The following FKTN variants were observed in gnomAD, a reference collection of about 807,000 sequenced individuals.
FKTN encodes the protein fukutin.
A neutral mutation model predicts 58.6 loss-of-function variants in FKTN; 47 were observed. The ratio of observed to expected loss-of-function variants is 0.80; its 90% CI spans 0.63 to 1.02. The LOEUF (loss-of-function observed/expected upper bound fraction) is 1.02, where lower values mean the gene tolerates loss of function less well. Among genes scored for constraint, FKTN ranks in the 50% least tolerant of loss-of-function variants. FKTN has a pLI of 0.00. For missense variants in FKTN, 516 were observed against 537.3 expected (o/e 0.96, Z 0.39); for synonymous variants, 178 against 191.9 (o/e 0.93, Z 0.60).
intron 1 of FKTN, among the ~76,000 whole-genome samples, chr9:105,566,788 C>T (rs1345381491): frequency 1.3e-5 from 2 of 152,222 alleles, no homozygotes; most frequent in African/African-American, 4.8e-5. Context: ...CTCCCTAACT[C>T]ATTTTATGAG....
At chr9:105,622,856 T>C (rs1374449534) in intron 10 of FKTN, among the ~76,000 whole-genome samples, 1 of 152,102 alleles carries the variant, frequency 6.6e-6, no homozygotes, top group Non-Finnish European at 1.5e-5. Flanking sequence ...TGGCATAAGG[T>C]ATGGTACTTT....
At position 105,636,744 on chromosome 9, in the gene FKTN, CT is replaced by C. The variant is rs1272732724; in HGVS notation, c.*1481del. 1.5e-6 allele frequency: 2 copies of C among 1,295,534 alleles called. No homozygotes were observed. Among genetic ancestry groups the C allele is most frequent in the Non-Finnish European group, 2.0e-6 (2 of 982,868 alleles). 80.3% of individuals were successfully genotyped at this position (1,295,534 alleles called of 1,614,324 possible). On this transcript the variant is annotated 3_prime_UTR_variant, in exon 11 of 11. Transcript: ENST00000357998. ...TTTCTGGAGCTTGGCAGATTTTCCT[CT>C]GACACCAGAGAACAATAGTAGTCTC... is the stretch of plus-strand genomic sequence containing the variant.
chr9:105,588,739 T>A (rs1269286404), intron 3 of FKTN, among the ~76,000 whole-genome samples: 2 of 152,248 alleles, frequency 1.3e-5, no homozygotes, highest in Non-Finnish European at 2.9e-5. Flanking sequence ...AGTATACCTA[T>A]GGAATAAGAA....
At chr9:105,600,992 A>G (rs1172313839) in intron 4 of FKTN, 153 bp from the exon 5 acceptor site, 1 of 601,418 alleles carries the variant, frequency 1.7e-6, no homozygotes, top group East Asian at 2.8e-5. Context: ...CATATGTGCT[A>G]TTTAATCATT....
chr9:105,630,583 G>C (rs866361977), intron 10 of FKTN, among the ~76,000 whole-genome samples: 26 of 152,186 alleles, frequency 1.7e-4, no homozygotes, highest in Middle Eastern at 3.4e-3. Flanking sequence ...TATTTTATGA[G>C]AGTGATAGCA....
intron 3 of FKTN, among the ~76,000 whole-genome samples, chr9:105,594,592 A>C (rs887544142): frequency 3.3e-5 from 5 of 152,154 alleles, no homozygotes; most frequent in Non-Finnish European, 2.9e-5. Context: ...AAAAATACAA[A>C]AATTAGCCAG....
intron 1 of FKTN, among the ~76,000 whole-genome samples, chr9:105,564,738 A>G (rs1168527651): frequency 6.6e-6 from 1 of 152,270 alleles, no homozygotes; most frequent in Non-Finnish European, 1.5e-5. Flanking sequence ...GATATTATCC[A>G]GGAGAACTTC....
intron 9 of FKTN, among the ~76,000 whole-genome samples, chr9:105,618,672 TC>T (rs1176998114): frequency 6.6e-6 from 1 of 152,204 alleles, no homozygotes; most frequent in African/African-American, 2.4e-5. Context: ...GAAATCTCCC[TC>T]TAGACAATTT....
Position 105,635,922 on chromosome 9 carries a change from G to A in FKTN, c.*658G>A. On this transcript the variant is annotated 3_prime_UTR_variant, in exon 11 of 11. Coordinates refer to ENST00000357998, the MANE Select transcript of FKTN (RefSeq NM_001079802.2). The stretch of plus-strand genomic sequence containing the variant: ...ATAAGTAAATTTCTGTACATGTACT[G>A]TTTTCATATGTGAAGTGAGAAGAAA... 1 of 987,206 alleles carries A rather than the reference G, an allele frequency of 1.0e-6. No homozygotes were observed. Among genetic ancestry groups the A allele is most frequent in the Non-Finnish European group, 1.2e-6 (1 of 831,074 alleles). The allele number at this position is 987,206 out of a possible 1,614,324, so 61.2% of individuals were successfully genotyped here.
chr9:105,637,053 A>G lies in FKTN; in HGVS notation c.*1789A>G, dbSNP rs1477958193. ...TCCATTTTCTCTTTGCTAGAAAATC[A>G]GCCCATAGAGTGCATTCCCAAATTC... On this transcript the variant is annotated 3_prime_UTR_variant, in exon 11 of 11. Transcript: ENST00000357998. 4 of 993,064 alleles carry G rather than the reference A, an allele frequency of 4.0e-6. No individual in the cohort carries two copies. In the East Asian group the frequency reaches 4.3e-4, roughly 106 times the overall value. The allele number at this position is 993,064 out of a possible 1,614,324, so 61.5% of individuals were successfully genotyped here. A position where few individuals can be genotyped will look rare whatever the true frequency, so the allele number is the denominator to read the frequency against.
chr9:105,620,088 T>C, intron 10 of FKTN, 27 bp downstream of exon 10: 1 of 1,573,876 alleles, frequency 6.4e-7, no homozygotes, highest in Non-Finnish European at 8.7e-7. Context: ...TACTTATTTA[T>C]AAAGGTACTA....
In FKTN at chr9:105,582,033, G is replaced by A. The variant is rs1022339120; in HGVS notation, c.105+6896G>A. 3.9e-5 allele frequency among the ~76,000 whole-genome samples: 6 copies of A among 152,128 alleles called. No homozygotes were observed. In the East Asian group the frequency reaches 7.8e-4, roughly 20 times the overall value. Reference sequence around the variant, plus strand: ...CCTCGCCCTGCTTCGGCTCGCGCACGGTGCGCGCACCCACTAGCCTGCGCC... The same window carrying A: ...CCTCGCCCTGCTTCGGCTCGCGCACAGTGCGCGCACCCACTAGCCTGCGCC... On this transcript the variant is annotated intron_variant, in intron 3 of 10. Transcript: ENST00000357998.
In FKTN at chr9:105,639,456, AGG is replaced by A; in HGVS notation, c.*4194_*4195del. ...ACTGGGGAAATGATACATACTTCTA[AGG>A]GTTTTTAGGGGGATTAAATGAAGTA... is the stretch of plus-strand genomic sequence containing the variant. On this transcript the variant is annotated 3_prime_UTR_variant, in exon 11 of 11. Transcript: ENST00000357998. 3.3e-6 allele frequency: 2 copies of A among 615,040 alleles called. No homozygotes were observed. 38.1% of individuals were successfully genotyped at this position (615,040 alleles called of 1,614,324 possible).
intron 7 of FKTN, among the ~76,000 whole-genome samples, 153 bp from the exon 8 acceptor site, chr9:105,615,125 C>T (rs547700076): frequency 6.6e-6 from 1 of 152,336 alleles, no homozygotes; most frequent in Admixed American, 6.5e-5. Context: ...CCCAAGTGAT[C>T]CACCTGCCTT....
At chr9:105,568,505 A>G (rs1241857053) in intron 1 of FKTN, among the ~76,000 whole-genome samples, 2 of 152,240 alleles carry the variant, frequency 1.3e-5, no homozygotes. Context: ...TCTCAAAAGA[A>G]GACATTTATG....
chr9:105,582,320 T>G (rs1843137383), intron 3 of FKTN, among the ~76,000 whole-genome samples: 2 of 152,156 alleles, frequency 1.3e-5, no homozygotes, highest in Admixed American at 1.3e-4. Context: ...TCTCCTGAGT[T>G]GTTAGGAGGA....
chr9:105,604,149 T>A, intron 5 of FKTN, 66 bp from the exon 6 acceptor site: 1 of 1,505,372 alleles, frequency 6.6e-7, no homozygotes, highest in Non-Finnish European at 9.2e-7. Context: ...TTGCTACTAG[T>A]ATTTGGCTTT....
At position 105,638,782 on chromosome 9, in the gene FKTN, A is replaced by G; in HGVS notation, c.*3518A>G. ...TTATTTATATTGATACTCTCTGATA[A>G]ATGCAGGTAGTTAAGAATAGATTGT... is the stretch of plus-strand genomic sequence containing the variant. On this transcript the variant is annotated 3_prime_UTR_variant, in exon 11 of 11. Coordinates refer to ENST00000357998, the MANE Select transcript of FKTN (RefSeq NM_001079802.2). 1 of 980,698 alleles carries G rather than the reference A, an allele frequency of 1.0e-6. No homozygotes were observed. The highest frequency in any genetic ancestry group is 1.2e-6 in the Non-Finnish European group (1 of 825,708). The allele number at this position is 980,698 out of a possible 1,614,324, so 60.7% of individuals were successfully genotyped here.
chr9:105,569,783 C>G (rs910664105), intron 1 of FKTN, among the ~76,000 whole-genome samples: 1 of 152,130 alleles, frequency 6.6e-6, no homozygotes, highest in African/African-American at 2.4e-5. Context: ...TCGTAACTCC[C>G]CTCGTTACAT....
Sources: allele counts gnomAD v4.1 joint callset (sites outside exome capture counted in the v4.1 genomes callset), GRCh38; gene constraint gnomAD v4.1.1; transcripts MANE v1.5; gene names NCBI Gene and HGNC (gene_info 2026-07-23, HGNC 2026-07-21).